PXDC1: variants seen among roughly 807,000 people sequenced by gnomAD.
PXDC1 encodes PX domain containing 1, also known as PX domain-containing protein 1.
In PXDC1, 13 loss-of-function variants were observed where a neutral mutation model predicts 24.4. That is an observed-to-expected ratio of 0.53 (90% CI 0.35 to 0.85). The LOEUF (loss-of-function observed/expected upper bound fraction) is 0.85. Ranked by LOEUF, PXDC1 falls within the 40% of genes least tolerant of loss-of-function variation. PXDC1 has a pLI of 0.01. For synonymous variants in PXDC1, 162 were observed against 124.9 expected, an observed-to-expected ratio of 1.30 and a Z score of -1.98; for missense variants, 344 against 309.3, an observed-to-expected ratio of 1.11 and a Z score of -0.84.
At chr6:3,731,292 G>A (rs114751001) in intron 3 of PXDC1, among the ~76,000 whole-genome samples, 126 of 152,306 alleles carry the variant, frequency 8.3e-4, no homozygotes, top group African/African-American at 2.7e-3. Flanking sequence ...ATCATTGTTA[G>A]TAATGTCCTC....
In PXDC1 at chr6:3,732,462, T is replaced by C. The variant is rs1388393357; in HGVS notation, c.466+4617A>G. 2.0e-5 allele frequency among the ~76,000 whole-genome samples: 3 copies of C among 152,236 alleles called. No individual in the cohort carries two copies. In the East Asian group the frequency reaches 5.8e-4, roughly 29 times the overall value. On this transcript the variant is annotated intron_variant, in intron 3 of 4. Transcript: ENST00000380283. ...CATTTCCAGGCCTCTTAAACCTGAA[T>C]GGTCAGATTTTGTGGCTGAGATTGA...
chr6:3,731,802 T>C (rs1032095545), intron 3 of PXDC1, among the ~76,000 whole-genome samples: 1 of 152,202 alleles, frequency 6.6e-6, no homozygotes, highest in African/African-American at 2.4e-5. Context: ...TTTGGGTTTG[T>C]TGGCAGTTTC....
chr6:3,731,864 C>T (rs553463066), intron 3 of PXDC1, among the ~76,000 whole-genome samples: 3 of 152,174 alleles, frequency 2.0e-5, no homozygotes, highest in Admixed American at 1.3e-4. Context: ...TACACAGTGA[C>T]GCTGCATGAG....
chr6:3,751,442 G>C lies in PXDC1; in HGVS notation c.90C>G (p.Ser30Arg), dbSNP rs1229681209. ...WVNGIRRLIV[S>R]RRGDEEEFFE... ...AGAACTCCTCTTCGTCGCCGCGCCG[G>C]CTGACGATGAGCCTGCGGATGCCGT... Residue 30 changes from serine to arginine, a missense_variant, in exon 1 of 5, where the codon AGC becomes AGG. Coordinates refer to ENST00000380283, the MANE Select transcript of PXDC1 (RefSeq NM_183373.4). 1.9e-6 allele frequency: 3 copies of C among 1,595,778 alleles called. No homozygotes were observed. The Admixed American group carries it at 5.1e-5, about 27-fold the overall frequency.
Position 3,725,169 on chromosome 6 carries a change from G to A in PXDC1, c.579-1433C>T, listed in dbSNP as rs902890076. Among the ~76,000 whole-genome samples the A allele has an allele frequency of 6.6e-6, 1 of 152,156 alleles. No homozygotes were observed. The highest frequency in any genetic ancestry group is 1.9e-4 in the East Asian group (1 of 5,190). ...AGGGGGAACCTTGGGCGTGCCGAAA[G>A]GTTCAAGCCAGTCGAGGGACAGAGC... On this transcript the variant is annotated intron_variant, in intron 4 of 4. Coordinates refer to ENST00000380283, the MANE Select transcript of PXDC1 (RefSeq NM_183373.4). The surrounding 1 kb of genome is among the most constrained non-coding windows in gnomAD (Gnocchi z 4.8).
intron 4 of PXDC1, among the ~76,000 whole-genome samples, chr6:3,727,098 G>C (rs1391820900): frequency 6.6e-6 from 1 of 152,242 alleles, no homozygotes; most frequent in Non-Finnish European, 1.5e-5. Context: ...AGTCAAATCA[G>C]AGACAGAAAG....
rs2296260 is a variant in PXDC1 at position 3,737,828 on chromosome 6, A to C, written c.348+229T>G. 0.36 allele frequency: 146,064 copies of C among 409,236 alleles called. 26,545 individuals are homozygous for C. Among genetic ancestry groups the C allele is most frequent in the East Asian group, 0.41 (2,541 of 6,126 alleles). 25.4% of individuals were successfully genotyped at this position (409,236 alleles called of 1,614,324 possible). ...CATCCCTCATTTTCACTCTTTCCCC[A>C]GGGAGGAAAAACCGGGGCCACTGGA... On this transcript the variant is annotated intron_variant, in intron 2 of 4. Transcript: ENST00000380283. The surrounding 1 kb of genome is among the most constrained non-coding windows in gnomAD (Gnocchi z 5.5).
At chr6:3,731,004 T>G (rs1282469273) in intron 3 of PXDC1, among the ~76,000 whole-genome samples, 2 of 152,158 alleles carry the variant, frequency 1.3e-5, no homozygotes, top group African/African-American at 2.4e-5. Flanking sequence ...CAGACTAACT[T>G]GAGATGATGT....
At chr6:3,731,343 G>A (rs1760192334) in intron 3 of PXDC1, among the ~76,000 whole-genome samples, 1 of 152,186 alleles carries the variant, frequency 6.6e-6, no homozygotes. Context: ...GGAAGAAAAT[G>A]CTGTCATTCA....
At chr6:3,741,865 G>A (rs11242872) in intron 1 of PXDC1, among the ~76,000 whole-genome samples, 13,818 of 152,178 alleles carry the variant, frequency 0.091, 812 homozygotes, top group East Asian at 0.35. Context: ...TTTTTAAAAT[G>A]TTTCAAATAC....
At chr6:3,730,750 A>C (rs759000851) in intron 3 of PXDC1, among the ~76,000 whole-genome samples, 1 of 152,232 alleles carries the variant, frequency 6.6e-6, no homozygotes, top group Non-Finnish European at 1.5e-5. Flanking sequence ...CTACGGGACC[A>C]GGGAGCCTGA....
rs1029476662 is a variant in PXDC1, at chr6:3,728,914, G to T, written c.467-1252C>A. On this transcript the variant is annotated intron_variant, in intron 3 of 4. Transcript: ENST00000380283. The surrounding 1 kb of genome is among the most constrained non-coding windows in gnomAD (Gnocchi z 4.0). ...CTCCTAACCACAGCTCTAAGACCAG[G>T]ACCACCTTCATCTGTTCTTTCGACT... Among the ~76,000 whole-genome samples the T allele has an allele frequency of 1.3e-5, 2 of 152,088 alleles. No homozygotes were observed. Among genetic ancestry groups the T allele is most frequent in the Non-Finnish European group, 2.9e-5 (2 of 68,024 alleles).
intron 1 of PXDC1, among the ~76,000 whole-genome samples, chr6:3,745,231 T>A (rs1760539680): frequency 1.3e-5 from 2 of 152,184 alleles, no homozygotes; most frequent in Non-Finnish European, 2.9e-5. Context: ...GGCGGGCACA[T>A]GAGTGGGCCA....
At chr6:3,744,402 G>A (rs1016341972) in intron 1 of PXDC1, among the ~76,000 whole-genome samples, 1 of 152,206 alleles carries the variant, frequency 6.6e-6, no homozygotes, top group Non-Finnish European at 1.5e-5. Flanking sequence ...ACCACAGACT[G>A]TCCCCTGCCT....
At chr6:3,732,261 C>G (rs938884259) in intron 3 of PXDC1, among the ~76,000 whole-genome samples, 2 of 152,208 alleles carry the variant, frequency 1.3e-5, no homozygotes, top group Non-Finnish European at 2.9e-5. Flanking sequence ...CATTCATACT[C>G]TAGCCTTCCT....
In PXDC1 at chr6:3,737,604, C is replaced by A; in HGVS notation, c.349-408G>T. The A allele has an allele frequency of 1.0e-6, 1 of 970,470 alleles. No homozygotes were observed. Among genetic ancestry groups the A allele is most frequent in the Non-Finnish European group, 1.2e-6 (1 of 816,268 alleles). 60.1% of individuals were successfully genotyped at this position (970,470 alleles called of 1,614,324 possible). A position where few individuals can be genotyped will look rare whatever the true frequency, so the allele number is the denominator to read the frequency against. The stretch of plus-strand genomic sequence containing the variant: ...TTCTTAACCACCACTCACGACGAAG[C>A]CCGCAGGCTTACATGGAAAGGGAGT... On this transcript the variant is annotated intron_variant, in intron 2 of 4. Coordinates refer to ENST00000380283, the MANE Select transcript of PXDC1 (RefSeq NM_183373.4). This position sits in a 1 kb window ranked among gnomAD's most constrained non-coding sequence, Gnocchi z 5.5.
In PXDC1 at chr6:3,737,268, G is replaced by A; in HGVS notation, c.349-72C>T. 9.3e-7 allele frequency: 1 copy of A among 1,069,700 alleles called. No individual in the cohort carries two copies. The highest frequency in any genetic ancestry group is 1.4e-6 in the Non-Finnish European group (1 of 691,850). The allele number at this position is 1,069,700 out of a possible 1,614,324, so 66.3% of individuals were successfully genotyped here. A position where few individuals can be genotyped will look rare whatever the true frequency, so the allele number is the denominator to read the frequency against. Reference sequence around the variant, plus strand: ...TTGGCCCTGTCTGTCTACCAAGAGAGGGCCCCGCTCCTCCGCAGAGGCAGC... The same window carrying A: ...TTGGCCCTGTCTGTCTACCAAGAGAAGGCCCCGCTCCTCCGCAGAGGCAGC... On this transcript the variant is annotated intron_variant, in intron 2 of 4. Transcript: ENST00000380283. This position sits in a 1 kb window ranked among gnomAD's most constrained non-coding sequence, Gnocchi z 5.5.
rs762078245 is a variant in PXDC1 at position 3,737,228 on chromosome 6, A to G, written c.349-32T>C. On this transcript the variant is annotated intron_variant, in intron 2 of 4. Transcript: ENST00000380283. This position sits in a 1 kb window ranked among gnomAD's most constrained non-coding sequence, Gnocchi z 5.5. ...AGAAATGCAGGGATTACTAAAAACG[A>G]TCAGCCTCTACACGTTGGCCCTGTC... The G allele has an allele frequency of 4.7e-6, 7 of 1,473,748 alleles. No individual in the cohort carries two copies. In the East Asian group the frequency reaches 1.6e-4, roughly 33 times the overall value. The allele number at this position is 1,473,748 out of a possible 1,614,324, so 91.3% of individuals were successfully genotyped here.
intron 3 of PXDC1, among the ~76,000 whole-genome samples, chr6:3,735,554 A>G (rs1467582507): frequency 6.6e-6 from 1 of 152,264 alleles, no homozygotes; most frequent in Non-Finnish European, 1.5e-5. Flanking sequence ...TGGAACCTAG[A>G]GAAGGGGAGA....
Sources: gnomAD v4.1 joint callset for allele counts (sites outside exome capture counted in the v4.1 genomes callset) on GRCh38, gnomAD v4.1.1 for gene constraint, Gnocchi (gnomAD v3.1) non-coding constraint, MANE v1.5 for transcripts, NCBI Gene and HGNC (gene_info 2026-07-23, HGNC 2026-07-21) for gene names.